UBE2D3: variants seen among roughly 807,000 people sequenced by gnomAD.
The protein encoded by UBE2D3 is ubiquitin-conjugating enzyme E2 D3.
UBE2D3 carries 2 observed loss-of-function variants against 22.8 expected under a neutral mutation model. The ratio of observed to expected loss-of-function variants is 0.09; its 90% CI spans 0.04 to 0.28. The LOEUF is 0.28. UBE2D3 is among the 10% of genes least tolerant of loss of function. The pLI is 1.00. For missense variants in UBE2D3, 27 were observed against 182.5 expected, an observed-to-expected ratio of 0.15 and a Z score of 4.91; for synonymous variants, 56 against 60.4, an observed-to-expected ratio of 0.93 and a Z score of 0.34.
chr4:102,826,619 T>G lies in UBE2D3; in HGVS notation c.-111A>C. 6.3e-7 allele frequency: 1 copy of G among 1,588,492 alleles called. No individual in the cohort carries two copies. On this transcript the variant is annotated 5_prime_UTR_variant, in exon 2 of 8. Coordinates refer to ENST00000453744, the MANE Select transcript of UBE2D3 (RefSeq NM_181891.3). ...CAGGATTGTCTCGTCTCACACCAGC[T>G]CTGCCAGACACAGGCGCCTTTTGCA...
At chr4:102,809,907 A>T in intron 2 of UBE2D3, 52 bp from the exon 3 acceptor site, 1 of 1,527,176 alleles carries the variant, frequency 6.5e-7, no homozygotes, top group Non-Finnish European at 8.8e-7. Flanking sequence ...TTAAGAAAAC[A>T]AGCAAATGAG....
intron 1 of UBE2D3, among the ~76,000 whole-genome samples, chr4:102,844,802 C>T (rs554347420): frequency 2.0e-4 from 30 of 151,978 alleles, no homozygotes; most frequent in African/African-American, 5.6e-4. Context: ...GGGTGGATCA[C>T]GAGGTCAGCA....
rs963203013 is a variant in UBE2D3 at position 102,858,577 on chromosome 4, C to T, written c.-129+10138G>A. ...GTCGTTTAAAGTTTAAAGTCATTTT[C>T]GACTTTAAAAAATATTCTATTGATA... On this transcript the variant is annotated intron_variant, in intron 1 of 7. Transcript: ENST00000338145. 2.6e-5 allele frequency among the ~76,000 whole-genome samples: 4 copies of T among 151,546 alleles called. 1 individual carries two copies. The highest frequency in any genetic ancestry group is 6.6e-5 in the Admixed American group (1 of 15,202).
chr4:102,804,388 C>T (rs184519797), intron 4 of UBE2D3, among the ~76,000 whole-genome samples: 53 of 151,662 alleles, frequency 3.5e-4, no homozygotes, highest in African/African-American at 1.2e-3. Flanking sequence ...TAACTCCTGA[C>T]CCCAGGTGAT....
intron 1 of UBE2D3, among the ~76,000 whole-genome samples, chr4:102,865,589 A>C (rs1187222806): frequency 6.6e-6 from 1 of 152,116 alleles, no homozygotes; most frequent in African/African-American, 2.4e-5. Flanking sequence ...TCCAGAAAAC[A>C]TGTACCAGTG....
intron 2 of UBE2D3, among the ~76,000 whole-genome samples, chr4:102,821,310 T>C (rs939721634): frequency 1.3e-5 from 2 of 152,280 alleles, no homozygotes; most frequent in East Asian, 3.9e-4. Flanking sequence ...TTATTTTAAA[T>C]ACCTCCCCTA....
upstream of UBE2D3, among the ~76,000 whole-genome samples, chr4:102,829,062 C>G (rs146488722): frequency 1.3e-5 from 2 of 152,170 alleles, no homozygotes; most frequent in East Asian, 3.8e-4. Context: ...TATAAGTAGT[C>G]TAATGTATAC....
At chr4:102,814,457 CTTTTTTT>C (rs574701413) in intron 2 of UBE2D3, among the ~76,000 whole-genome samples, 1 of 119,140 alleles carries the variant, frequency 8.4e-6, no homozygotes, top group Non-Finnish European at 1.7e-5. Context: ...CCTGGCTATT[CTTTTTTT>C]TTTTTTTTTT....
intron 1 of UBE2D3, among the ~76,000 whole-genome samples, chr4:102,848,113 A>T (rs866084532): frequency 1.1e-4 from 17 of 152,188 alleles, no homozygotes; most frequent in African/African-American, 4.1e-4. Flanking sequence ...GGACCATAAG[A>T]AAAGCCAGAT....
chr4:102,799,537 G>A, intron 6 of UBE2D3, 37 bp from the exon 7 acceptor site: 2 of 1,534,760 alleles, frequency 1.3e-6, no homozygotes, highest in Non-Finnish European at 1.8e-6. Context: ...CCCAGTTTCA[G>A]GAGTTTGGAT....
At chr4:102,823,120 A>C (rs1729891599) in intron 2 of UBE2D3, among the ~76,000 whole-genome samples, 2 of 152,208 alleles carry the variant, frequency 1.3e-5, no homozygotes. Flanking sequence ...TAAATGAGTT[A>C]GGGTTTAGAT....
chr4:102,852,409 T>C (rs889020476), intron 1 of UBE2D3, among the ~76,000 whole-genome samples: 6 of 152,236 alleles, frequency 3.9e-5, no homozygotes, highest in African/African-American at 9.6e-5. Context: ...TTCCCTCGTA[T>C]ATATATGTTC....
chr4:102,825,384 A>T (rs1190903905), intron 2 of UBE2D3: 2 of 1,028,464 alleles, frequency 1.9e-6, no homozygotes, highest in Non-Finnish European at 1.2e-6. Context: ...ATACAGTTTA[A>T]GAGTTTGAAT....
At chr4:102,848,340 G>A (rs1208822969) in intron 1 of UBE2D3, among the ~76,000 whole-genome samples, 1 of 151,610 alleles carries the variant, frequency 6.6e-6, no homozygotes, top group Non-Finnish European at 1.5e-5. Context: ...GTGAGACTCT[G>A]TCTCTACAAA....
intron 1 of UBE2D3, among the ~76,000 whole-genome samples, chr4:102,866,976 T>C (rs1733173872): frequency 6.6e-6 from 1 of 152,162 alleles, no homozygotes; most frequent in Non-Finnish European, 1.5e-5. Flanking sequence ...ATAAAAAAGC[T>C]CCAGGGTTTA....
intron 2 of UBE2D3, among the ~76,000 whole-genome samples, chr4:102,821,977 T>G (rs1201579763): frequency 6.6e-6 from 1 of 152,230 alleles, no homozygotes; most frequent in Admixed American, 6.5e-5. Flanking sequence ...TTTATCTCAG[T>G]GTTACGAACC....
At chr4:102,826,662 C>T (rs185969647) in intron 1 of UBE2D3, 26 bp from the exon 2 acceptor site, 7 of 1,538,134 alleles carry the variant, frequency 4.6e-6, no homozygotes, top group African/African-American at 2.8e-5. Context: ...AGCAGATCAG[C>T]ACTCGCACAG....
At chr4:102,815,275 C>T (rs1252715007) in intron 2 of UBE2D3, among the ~76,000 whole-genome samples, 4 of 152,188 alleles carry the variant, frequency 2.6e-5, no homozygotes, top group Non-Finnish European at 4.4e-5. Context: ...AAACTCCTGA[C>T]CTCAGGTGAT....
intron 2 of UBE2D3, among the ~76,000 whole-genome samples, chr4:102,821,348 T>C (rs1031284736): frequency 2.6e-5 from 4 of 152,114 alleles, no homozygotes; most frequent in Admixed American, 6.5e-5. Flanking sequence ...GAAAGGTAAA[T>C]TACAAAGTGA....
Sources: gnomAD v4.1 joint callset for allele counts (sites outside exome capture counted in the v4.1 genomes callset) on GRCh38, gnomAD v4.1.1 for gene constraint, MANE v1.5 for transcripts, NCBI Gene and HGNC (gene_info 2026-07-23, HGNC 2026-07-21) for gene names.